The following IGF2BP3 variants were observed in gnomAD, a reference collection of about 807,000 sequenced individuals.
The protein encoded by IGF2BP3 is insulin like growth factor 2 mRNA binding protein 3.
Under a neutral mutation model 73.8 loss-of-function variants are expected in IGF2BP3, and 9 were observed. The observed-to-expected ratio is 0.12, with a 90% CI of 0.07 to 0.21. IGF2BP3 has a LOEUF of 0.21. Among genes scored for constraint, IGF2BP3 ranks in the 10% least tolerant of loss-of-function variants. The probability of loss-of-function intolerance (pLI) is 1.00; values close to 1 mark genes in which losing one functional copy is unlikely to be tolerated. For synonymous variants in IGF2BP3, 258 were observed against 256.7 expected (o/e 1.01, Z -0.05); for missense variants, 542 against 714.0 (o/e 0.76, Z 2.75).
intron 12 of IGF2BP3, among the ~76,000 whole-genome samples, chr7:23,316,535 C>T (rs1019352450): frequency 3.3e-5 from 5 of 151,970 alleles, no homozygotes; most frequent in South Asian, 2.1e-4. Flanking sequence ...ATTGGCTGGG[C>T]GTGGCGGCAC....
At chr7:23,362,140 G>A (rs1318188738) in intron 3 of IGF2BP3, among the ~76,000 whole-genome samples, 8 of 152,142 alleles carry the variant, frequency 5.3e-5, no homozygotes, top group African/African-American at 7.2e-5. Context: ...AACAGGGCGC[G>A]GTGGCTCGCA....
chr7:23,431,841 ATT>A (rs1491581879), intron 2 of IGF2BP3, among the ~76,000 whole-genome samples: 1 of 150,934 alleles, frequency 6.6e-6, no homozygotes, highest in Non-Finnish European at 1.5e-5. Flanking sequence ...ACACACACAC[ATT>A]CTCTCTCTCT....
intron 3 of IGF2BP3, among the ~76,000 whole-genome samples, chr7:23,381,320 G>A (rs753128557): frequency 2.6e-5 from 4 of 152,176 alleles, no homozygotes; most frequent in African/African-American, 7.2e-5. Flanking sequence ...CAGGAAATAC[G>A]AGAAGAGTCA....
At chr7:23,429,196 T>C (rs186316122) in intron 2 of IGF2BP3, among the ~76,000 whole-genome samples, 1 of 152,218 alleles carries the variant, frequency 6.6e-6, no homozygotes, top group African/African-American at 2.4e-5. Flanking sequence ...CATGGGTTCA[T>C]ACTGATTATT....
chr7:23,321,218 C>T (rs1784136419), intron 10 of IGF2BP3, among the ~76,000 whole-genome samples: 2 of 152,150 alleles, frequency 1.3e-5, no homozygotes, highest in Admixed American at 6.5e-5. Context: ...GGTGCATGCA[C>T]CATGGGTGAG....
At chr7:23,436,843 C>T (rs1277557265) in intron 2 of IGF2BP3, among the ~76,000 whole-genome samples, 4 of 152,248 alleles carry the variant, frequency 2.6e-5, no homozygotes, top group East Asian at 1.9e-4. Context: ...TGGCTGGGCC[C>T]GGTGGCTCAC....
intron 3 of IGF2BP3, among the ~76,000 whole-genome samples, chr7:23,417,229 AT>A (rs1787216945): frequency 1.3e-5 from 2 of 152,332 alleles, no homozygotes; most frequent in South Asian, 4.1e-4. Context: ...TAATCATTAA[AT>A]TTTTAAAGGG....
At chr7:23,344,729 A>G (rs948693204) in intron 8 of IGF2BP3, among the ~76,000 whole-genome samples, 3 of 152,270 alleles carry the variant, frequency 2.0e-5, no homozygotes, top group African/African-American at 7.2e-5. Flanking sequence ...TTTCACTACT[A>G]GTATAATGTC....
chr7:23,370,103 T>C (rs995182726), intron 3 of IGF2BP3, among the ~76,000 whole-genome samples: 1 of 152,220 alleles, frequency 6.6e-6, no homozygotes, highest in African/African-American at 2.4e-5. Context: ...CTCTCTTCCA[T>C]ATATCCAACA....
rs1018068978 is a variant in IGF2BP3, at chr7:23,469,059, G to A, written c.176-517C>T. ...GACCACGAACGGGAGAACTGGCAGA[G>A]GCGCAGCTCGGCACAGGCTGAACCA... On this transcript the variant is annotated intron_variant, in intron 1 of 14. Transcript: ENST00000258729. The surrounding 1 kb of genome is among the most constrained non-coding windows in gnomAD (Gnocchi z 6.1). Among the ~76,000 whole-genome samples the A allele has an allele frequency of 6.6e-6, 1 of 152,262 alleles. No homozygotes were observed. The highest frequency in any genetic ancestry group is 2.4e-5 in the African/African-American group (1 of 41,476).
intron 10 of IGF2BP3, among the ~76,000 whole-genome samples, chr7:23,338,610 C>A (rs1784632623): frequency 6.6e-6 from 1 of 152,108 alleles, no homozygotes; most frequent in African/African-American, 2.4e-5. Flanking sequence ...TTAAGTGGGA[C>A]ACAAGTTCTT....
Position 23,469,782 on chromosome 7 carries a change from A to T in IGF2BP3, c.175+154T>A, listed in dbSNP as rs2128553685. On this transcript the variant is annotated intron_variant, in intron 1 of 14. Transcript: ENST00000258729. This position sits in a 1 kb window ranked among gnomAD's most constrained non-coding sequence, Gnocchi z 6.1. Reference sequence around the variant, plus strand: ...CGGAGTGGGAGCCGGAGCTGAGGAGAGCCCCGGCCCCCACGCGCGTGGGTG... The same window carrying T: ...CGGAGTGGGAGCCGGAGCTGAGGAGTGCCCCGGCCCCCACGCGCGTGGGTG... 6.6e-6 allele frequency among the ~76,000 whole-genome samples: 1 copy of T among 151,100 alleles called. No homozygotes were observed. The highest frequency in any genetic ancestry group is 3.4e-3 in the Middle Eastern group (1 of 292).
chr7:23,390,010 G>C (rs1429649098), intron 3 of IGF2BP3, among the ~76,000 whole-genome samples: 3 of 151,986 alleles, frequency 2.0e-5, no homozygotes, highest in African/African-American at 7.3e-5. Flanking sequence ...TTGACTATTG[G>C]TCAAAGATAG....
intron 3 of IGF2BP3, among the ~76,000 whole-genome samples, chr7:23,391,323 T>A (rs1454928826): frequency 6.6e-6 from 1 of 151,122 alleles, no homozygotes; most frequent in Admixed American, 6.6e-5. Flanking sequence ...TGGTCTCGAA[T>A]TCCCGACTTC....
intron 2 of IGF2BP3, among the ~76,000 whole-genome samples, chr7:23,467,304 T>C (rs964883015): frequency 2.6e-5 from 4 of 152,256 alleles, no homozygotes; most frequent in African/African-American, 9.6e-5. Flanking sequence ...CATCTATTTC[T>C]GCACAGCACC....
intron 2 of IGF2BP3, among the ~76,000 whole-genome samples, chr7:23,460,452 A>T (rs1788422980): frequency 2.0e-5 from 3 of 151,328 alleles, no homozygotes; most frequent in Admixed American, 2.0e-4. Context: ...GAATCACTTG[A>T]ACTCAGGAGG....
intron 10 of IGF2BP3, among the ~76,000 whole-genome samples, chr7:23,322,571 C>T (rs879012027): frequency 4.6e-5 from 7 of 152,148 alleles, no homozygotes; most frequent in South Asian, 2.1e-4. Context: ...ATACAGAAAA[C>T]GCCACAAAGA....
intron 2 of IGF2BP3, among the ~76,000 whole-genome samples, chr7:23,424,502 A>G (rs1787443750): frequency 6.6e-6 from 1 of 152,224 alleles, no homozygotes; most frequent in Admixed American, 6.5e-5. Context: ...ATCTCAAAAA[A>G]TAAAAATAAA....
chr7:23,361,081 G>T (rs906630275), intron 5 of IGF2BP3, among the ~76,000 whole-genome samples: 2 of 152,102 alleles, frequency 1.3e-5, no homozygotes, highest in African/African-American at 2.4e-5. Context: ...ATGTCTGCAC[G>T]CTCCTAAATG....
Sources: allele counts gnomAD v4.1 joint callset (sites outside exome capture counted in the v4.1 genomes callset), GRCh38; gene constraint gnomAD v4.1.1; non-coding constraint Gnocchi (gnomAD v3.1); transcripts MANE v1.5; gene names NCBI Gene and HGNC (gene_info 2026-07-23, HGNC 2026-07-21).